COLEC12: variants seen among roughly 807,000 people sequenced by gnomAD.
COLEC12 encodes the protein collectin subfamily member 12, also known as collectin-12.
In COLEC12, 33 loss-of-function variants were observed where a neutral mutation model predicts 71.1. The ratio of observed to expected loss-of-function variants is 0.46; its 90% CI spans 0.35 to 0.62. COLEC12 has a LOEUF of 0.62. Among genes scored for constraint, COLEC12 ranks in the 20% least tolerant of loss-of-function variants. The pLI is 0.00. For synonymous variants in COLEC12, 350 were observed against 353.0 expected (o/e 0.99, Z 0.10); for missense variants, 765 against 916.1 (o/e 0.84, Z 2.13).
At chr18:386,092 C>A (rs78179512) in intron 2 of COLEC12, among the ~76,000 whole-genome samples, 13,474 of 145,288 alleles carry the variant, frequency 0.093, 673 homozygotes, top group Middle Eastern at 0.12. Context: ...ATCAGGGTAC[C>A]TTTTGTGGGT....
intron 2 of COLEC12, among the ~76,000 whole-genome samples, chr18:430,490 C>T (rs150777521): frequency 6.6e-6 from 1 of 152,070 alleles, no homozygotes; most frequent in South Asian, 2.1e-4. Context: ...GAAAAATAGT[C>T]TTTCCCTTTC....
At chr18:437,212 CTAGAATTAAA>C in intron 2 of COLEC12, among the ~76,000 whole-genome samples, 1 of 152,168 alleles carries the variant, frequency 6.6e-6, no homozygotes, top group South Asian at 2.1e-4. Context: ...CTGTGAAGGC[CTAGAATTAAA>C]CTCCAATCCT....
chr18:410,436 GTTC>G (rs1302766430), intron 2 of COLEC12, among the ~76,000 whole-genome samples: 2 of 148,052 alleles, frequency 1.4e-5, no homozygotes, highest in African/African-American at 2.5e-5. Flanking sequence ...TGGCTGAGTT[GTTC>G]TTCTTTTTTT....
chr18:484,314 A>G (rs1386265536), intron 1 of COLEC12, among the ~76,000 whole-genome samples: 4 of 152,208 alleles, frequency 2.6e-5, no homozygotes, highest in Non-Finnish European at 4.4e-5. Context: ...GTCCAAACCC[A>G]TGAGGAGTTC....
At chr18:475,906 T>C (rs1185010991) in intron 2 of COLEC12, among the ~76,000 whole-genome samples, 4 of 152,216 alleles carry the variant, frequency 2.6e-5, no homozygotes, top group South Asian at 4.2e-4. Context: ...CAGGGCTGGG[T>C]TCCCTTCAAC....
chr18:431,890 T>C (rs1916311494), intron 2 of COLEC12, among the ~76,000 whole-genome samples: 1 of 152,218 alleles, frequency 6.6e-6, no homozygotes, highest in South Asian at 2.1e-4. Context: ...AAGGAGATTT[T>C]ATATATGTAT....
chr18:447,966 G>C (rs985628052), intron 2 of COLEC12, among the ~76,000 whole-genome samples: 1 of 152,178 alleles, frequency 6.6e-6, no homozygotes, highest in Non-Finnish European at 1.5e-5. Flanking sequence ...TTTGGGTTAG[G>C]GGTGGGATGG....
At chr18:496,268 A>G (rs966452508) in intron 1 of COLEC12, among the ~76,000 whole-genome samples, 3 of 152,252 alleles carry the variant, frequency 2.0e-5, no homozygotes, top group African/African-American at 7.2e-5. Flanking sequence ...TGGATGAGCC[A>G]CATGGCAAAG....
intron 1 of COLEC12, among the ~76,000 whole-genome samples, chr18:484,892 AC>A (rs1917491217): frequency 6.6e-6 from 1 of 152,184 alleles, no homozygotes. Context: ...GGCTGATAGA[AC>A]AGTTGGGTGT....
intron 2 of COLEC12, among the ~76,000 whole-genome samples, chr18:419,576 T>C (rs1916057511): frequency 6.6e-6 from 1 of 152,226 alleles, no homozygotes; most frequent in Admixed American, 6.5e-5. Context: ...AAAACGTTTC[T>C]AACAAAACAT....
At chr18:455,866 T>C (rs1916862024) in intron 2 of COLEC12, among the ~76,000 whole-genome samples, 1 of 152,224 alleles carries the variant, frequency 6.6e-6, no homozygotes, top group South Asian at 2.1e-4. Flanking sequence ...GTGGTGTATA[T>C]GTGTCACGTT....
chr18:320,155 GACAGTGTCTAAAAT>G, intron 9 of COLEC12, 91 bp from the exon 10 acceptor site: 1 of 750,932 alleles, frequency 1.3e-6, no homozygotes, highest in Non-Finnish European at 2.3e-6. Flanking sequence ...ATTTTTATAG[GACAGTGTCTAAAAT>G]ACATCATTCA....
intron 1 of COLEC12, among the ~76,000 whole-genome samples, chr18:488,641 G>T (rs1237957746): frequency 6.6e-6 from 1 of 152,062 alleles, no homozygotes; most frequent in Non-Finnish European, 1.5e-5. Flanking sequence ...GGGAGGTCAA[G>T]GCAGGCGGAT....
chr18:442,002 TACACACACACACACACACACACACACAC>T (rs56024245), intron 2 of COLEC12, among the ~76,000 whole-genome samples: 2 of 120,808 alleles, frequency 1.7e-5, no homozygotes, highest in African/African-American at 3.9e-5. Context: ...TCTCTCTCTC[TACACACACACACACACACACACACACAC>T]ACACACACAC....
intron 2 of COLEC12, among the ~76,000 whole-genome samples, chr18:472,883 G>A (rs1266326785): frequency 1.3e-5 from 2 of 151,826 alleles, no homozygotes; most frequent in Admixed American, 6.6e-5. Flanking sequence ...CTTCACAAGG[G>A]GAGACCTGGA....
intron 2 of COLEC12, among the ~76,000 whole-genome samples, chr18:424,568 C>A (rs1189588409): frequency 6.6e-6 from 1 of 152,218 alleles, no homozygotes. Context: ...AATAGTCTCA[C>A]TATGAACACT....
chr18:479,745 G>A (rs771746450), intron 2 of COLEC12, among the ~76,000 whole-genome samples: 20 of 152,284 alleles, frequency 1.3e-4, no homozygotes, highest in Middle Eastern at 3.4e-3. Flanking sequence ...GCAAAGAAGA[G>A]CACCAGGTGC....
intron 2 of COLEC12, among the ~76,000 whole-genome samples, chr18:432,752 C>T (rs1304060831): frequency 6.6e-6 from 1 of 152,068 alleles, no homozygotes; most frequent in Non-Finnish European, 1.5e-5. Context: ...TGATTTTGGA[C>T]AACCTTCCTT....
At chr18:370,289 T>C (rs775166400) in intron 2 of COLEC12, among the ~76,000 whole-genome samples, 9 of 152,252 alleles carry the variant, frequency 5.9e-5, no homozygotes, top group Admixed American at 3.9e-4. Flanking sequence ...TCATATGATA[T>C]GAAATTTTTA....
Sources: allele counts gnomAD v4.1 joint callset (sites outside exome capture counted in the v4.1 genomes callset), GRCh38; gene constraint gnomAD v4.1.1; transcripts MANE v1.5; gene names NCBI Gene and HGNC (gene_info 2026-07-23, HGNC 2026-07-21).